AUTS2: variants seen among roughly 807,000 people sequenced by gnomAD.
AUTS2 encodes the protein activator of transcription and developmental regulator AUTS2, also known as autism susceptibility gene 2 protein.
Under a neutral mutation model 112.4 loss-of-function variants are expected in AUTS2, and 17 were observed. The ratio of observed to expected loss-of-function variants is 0.15; its 90% CI spans 0.10 to 0.23. AUTS2 has a LOEUF of 0.23. Among genes scored for constraint, AUTS2 ranks in the 10% least tolerant of loss-of-function variants. AUTS2 has a pLI of 1.00. For missense variants in AUTS2, 1,510 were observed against 1,701.6 expected (o/e 0.89, Z 1.98); for synonymous variants, 751 against 702.7 (o/e 1.07, Z -1.09).
chr7:70,029,053 A>C (rs139744722), intron 2 of AUTS2, among the ~76,000 whole-genome samples: 1 of 151,974 alleles, frequency 6.6e-6, no homozygotes, highest in Non-Finnish European at 1.5e-5. Flanking sequence ...AGGAGTGCAC[A>C]CTCTGGGGCT....
chr7:70,448,501 C>A (rs1796407539), intron 5 of AUTS2, among the ~76,000 whole-genome samples: 2 of 152,312 alleles, frequency 1.3e-5, no homozygotes, highest in South Asian at 4.1e-4. Flanking sequence ...TGCTAGATTA[C>A]CATAGGTCCA....
intron 2 of AUTS2, among the ~76,000 whole-genome samples, chr7:70,110,805 T>C (rs1805034025): frequency 6.6e-6 from 1 of 151,828 alleles, no homozygotes; most frequent in South Asian, 2.1e-4. Flanking sequence ...CTAATTGCAT[T>C]AGAGTGACTT....
intron 1 of AUTS2, among the ~76,000 whole-genome samples, chr7:69,878,264 C>T (rs1373960789): frequency 6.6e-6 from 1 of 152,092 alleles, no homozygotes; most frequent in Non-Finnish European, 1.5e-5. Context: ...AGTAGGAGAA[C>T]CCTAAGGTGG....
At chr7:70,781,438 C>T (rs908462999) in intron 14 of AUTS2, 177 bp from the exon 15 acceptor site, 7 of 639,946 alleles carry the variant, frequency 1.1e-5, no homozygotes, top group South Asian at 2.4e-5. Flanking sequence ...CAGGCACTAC[C>T]GGCCTGCAGA....
At chr7:70,026,406 G>T (rs1435732524) in intron 2 of AUTS2, among the ~76,000 whole-genome samples, 1 of 152,148 alleles carries the variant, frequency 6.6e-6, no homozygotes, top group East Asian at 1.9e-4. Flanking sequence ...CTCTCTGGAG[G>T]TTGGCTCCTT....
intron 1 of AUTS2, among the ~76,000 whole-genome samples, chr7:69,872,392 T>G (rs911479835): frequency 1.3e-5 from 2 of 152,248 alleles, no homozygotes; most frequent in African/African-American, 4.8e-5. Flanking sequence ...CCTCCTTTTC[T>G]TGTCATGTTG....
At chr7:70,255,819 G>A (rs1258570046) in intron 4 of AUTS2, among the ~76,000 whole-genome samples, 3 of 152,134 alleles carry the variant, frequency 2.0e-5, no homozygotes, top group African/African-American at 7.2e-5. Flanking sequence ...AAAAATGTAA[G>A]AACAAACCAT....
In AUTS2 at chr7:69,878,044, G is replaced by A. The variant is rs532232993; in HGVS notation, c.310-21242G>A. On this transcript the variant is annotated intron_variant, in intron 1 of 18. Transcript: ENST00000342771. ...ATGCCTGCATAGCATAGTGGGCTGGGGTAGACGGTGGGGGGCATGTGTGTA... is the reference window on the plus strand; with the variant it reads ...ATGCCTGCATAGCATAGTGGGCTGGAGTAGACGGTGGGGGGCATGTGTGTA... Among the ~76,000 whole-genome samples, 21 of 152,278 alleles carry A rather than the reference G, an allele frequency of 1.4e-4. No individual in the cohort carries two copies. The South Asian group carries it at 4.1e-3, about 30-fold the overall frequency.
At chr7:70,557,524 C>T (rs981643602) in intron 5 of AUTS2, among the ~76,000 whole-genome samples, 1 of 152,212 alleles carries the variant, frequency 6.6e-6, no homozygotes, top group Non-Finnish European at 1.5e-5. Context: ...CGAACATGTG[C>T]TCCATTAAAA....
chr7:69,661,412 G>A (rs1795787421), intron 1 of AUTS2, among the ~76,000 whole-genome samples: 1 of 152,124 alleles, frequency 6.6e-6, no homozygotes, highest in Non-Finnish European at 1.5e-5. Context: ...GGGGGAGGTG[G>A]GGCAAAATTA....
intron 1 of AUTS2, among the ~76,000 whole-genome samples, chr7:69,775,667 C>G (rs556410191): frequency 1.6e-4 from 24 of 152,102 alleles, no homozygotes; most frequent in Non-Finnish European, 2.2e-4. Context: ...CATTTCAAGG[C>G]AAGCAGATCA....
At chr7:70,665,331 A>G (rs1311531704) in intron 5 of AUTS2, among the ~76,000 whole-genome samples, 2 of 151,778 alleles carry the variant, frequency 1.3e-5, no homozygotes, top group Non-Finnish European at 2.9e-5. Flanking sequence ...TGGTGTGATC[A>G]TGGCTCACTA....
intron 2 of AUTS2, among the ~76,000 whole-genome samples, chr7:69,940,584 T>A (rs1796588705): frequency 6.6e-6 from 1 of 152,014 alleles, no homozygotes; most frequent in Admixed American, 6.6e-5. Flanking sequence ...AGGATGTGGG[T>A]CATGGAAATA....
rs1045179949 is a variant in AUTS2, at chr7:70,084,897, G to A, written c.523-33235G>A. ...AATTTTTATTTAATTTTTAGAGATA[G>A]GATCTTGCTCTGTCACCCAGGCTGG... On this transcript the variant is annotated intron_variant, in intron 2 of 18. Coordinates refer to ENST00000342771, the MANE Select transcript of AUTS2 (RefSeq NM_015570.4). 2.0e-5 allele frequency among the ~76,000 whole-genome samples: 3 copies of A among 151,992 alleles called. No individual in the cohort carries two copies. In the East Asian group the frequency reaches 5.8e-4, roughly 29 times the overall value.
At chr7:70,132,274 A>G (rs1047968230) in intron 3 of AUTS2, among the ~76,000 whole-genome samples, 1 of 151,016 alleles carries the variant, frequency 6.6e-6, no homozygotes, top group Non-Finnish European at 1.5e-5. Flanking sequence ...ATTCCAGTGG[A>G]CCTTTAATGT....
intron 4 of AUTS2, among the ~76,000 whole-genome samples, chr7:70,191,703 C>A (rs1034387008): frequency 7.2e-5 from 11 of 152,050 alleles, no homozygotes; most frequent in Admixed American, 5.9e-4. Context: ...TGAATAAATG[C>A]AACAGATTGT....
At chr7:70,746,690 C>A (rs1041620739) in intron 6 of AUTS2, among the ~76,000 whole-genome samples, 3 of 151,930 alleles carry the variant, frequency 2.0e-5, no homozygotes, top group African/African-American at 7.3e-5. Context: ...AGGATCTTGG[C>A]GCACTGGACG....
chr7:70,605,447 C>G (rs1404573189), intron 5 of AUTS2, among the ~76,000 whole-genome samples: 1 of 151,594 alleles, frequency 6.6e-6, no homozygotes, highest in Non-Finnish European at 1.5e-5. Flanking sequence ...TGAATCAACT[C>G]ACGTTTACTA....
intron 5 of AUTS2, among the ~76,000 whole-genome samples, chr7:70,504,170 A>G (rs1585227609): frequency 6.6e-6 from 1 of 151,890 alleles, no homozygotes; most frequent in East Asian, 1.9e-4. Flanking sequence ...TCAATTAAAT[A>G]TTAAAGCTTT....
Sources: gnomAD v4.1 joint callset for allele counts (sites outside exome capture counted in the v4.1 genomes callset) on GRCh38, gnomAD v4.1.1 for gene constraint, MANE v1.5 for transcripts, NCBI Gene and HGNC (gene_info 2026-07-23, HGNC 2026-07-21) for gene names.